Variants in DGKI observed in about 807,000 individuals in gnomAD.
DGKI encodes diacylglycerol kinase iota.
A neutral mutation model predicts 147.5 loss-of-function variants in DGKI; 55 were observed. The observed-to-expected ratio is 0.37, with a 90% CI of 0.30 to 0.47. DGKI has a LOEUF of 0.47. Among genes scored for constraint, DGKI ranks in the 20% least tolerant of loss-of-function variants. DGKI has a pLI of 1.00. For missense variants in DGKI, 1,007 were observed against 1,323.8 expected, an observed-to-expected ratio of 0.76 and a Z score of 3.71; for synonymous variants, 469 against 477.1, an observed-to-expected ratio of 0.98 and a Z score of 0.22.
intron 2 of DGKI, among the ~76,000 whole-genome samples, chr7:137,686,430 T>C (rs1823419185): frequency 6.6e-6 from 1 of 152,206 alleles, no homozygotes; most frequent in Admixed American, 6.5e-5. Context: ...GGAAAATGAC[T>C]GTGCACAGGC....
At chr7:137,680,601 G>A (rs1823201302) in intron 2 of DGKI, among the ~76,000 whole-genome samples, 1 of 152,102 alleles carries the variant, frequency 6.6e-6, no homozygotes, top group Non-Finnish European at 1.5e-5. Flanking sequence ...ACAACATGGT[G>A]AAACCCCATC....
At chr7:137,688,369 A>G (rs1477166216) in intron 2 of DGKI, among the ~76,000 whole-genome samples, 3 of 152,198 alleles carry the variant, frequency 2.0e-5, no homozygotes, top group African/African-American at 4.8e-5. Context: ...ACAGTTTACA[A>G]AAAAAACTTT....
chr7:137,635,621 C>T (rs994071621), intron 6 of DGKI, among the ~76,000 whole-genome samples: 28 of 152,144 alleles, frequency 1.8e-4, no homozygotes, highest in Non-Finnish European at 3.2e-4. Flanking sequence ...TGGACTATCA[C>T]GGCCTACACC....
Position 137,381,860 on chromosome 7 carries a change from T to A in DGKI, c.*9360A>T, listed in dbSNP as rs1811069058. ...GAGTTCTAAATCTCCTTCCCCAGGA[T>A]GGCAAGAATCCAAACTTTCCCAACT... On this transcript the variant is annotated 3_prime_UTR_variant, in exon 33 of 33. Transcript: ENST00000614521. The A allele has an allele frequency of 6.6e-6, 1 of 152,138 alleles. No homozygotes were observed. Among genetic ancestry groups the A allele is most frequent in the Admixed American group, 6.6e-5 (1 of 15,258 alleles). 9.4% of individuals were successfully genotyped at this position (152,138 alleles called of 1,614,324 possible).
At chr7:137,738,550 T>C (rs1266207353) in intron 1 of DGKI, among the ~76,000 whole-genome samples, 3 of 152,194 alleles carry the variant, frequency 2.0e-5, no homozygotes, top group Non-Finnish European at 4.4e-5. Flanking sequence ...CAAAAAGATG[T>C]GTTTATAAAC....
intron 28 of DGKI, among the ~76,000 whole-genome samples, chr7:137,426,231 T>C (rs1163232864): frequency 1.3e-5 from 2 of 151,892 alleles, no homozygotes; most frequent in East Asian, 3.9e-4. Flanking sequence ...CAGAAGAGAG[T>C]GGGGGCCGAT....
intron 27 of DGKI, among the ~76,000 whole-genome samples, chr7:137,458,956 A>G (rs1171502241): frequency 6.6e-6 from 1 of 152,254 alleles, no homozygotes; most frequent in South Asian, 2.1e-4. Context: ...CTTCTCACCA[A>G]TTCATTTCAA....
intron 3 of DGKI, among the ~76,000 whole-genome samples, chr7:137,664,683 G>C (rs1011574927): frequency 6.6e-6 from 1 of 152,186 alleles, no homozygotes; most frequent in African/African-American, 2.4e-5. Flanking sequence ...ACAGTTGCAG[G>C]AGTGGAGAGA....
intron 3 of DGKI, among the ~76,000 whole-genome samples, chr7:137,675,532 A>G (rs1295676013): frequency 6.6e-6 from 1 of 152,010 alleles, no homozygotes; most frequent in African/African-American, 2.4e-5. Flanking sequence ...TAAAAATACA[A>G]AAATCAGCTG....
intron 23 of DGKI, among the ~76,000 whole-genome samples, chr7:137,471,890 T>G (rs1814907158): frequency 6.8e-6 from 1 of 146,112 alleles, no homozygotes. Flanking sequence ...AAATATATGT[T>G]ACATATAGTC....
Position 137,386,231 on chromosome 7 carries a change from G to T in DGKI, c.*4989C>A, listed in dbSNP as rs913025099. ...GGGAGAGGAGGTTGTCCAAGGGCAT[G>T]ACTCTTTTCTTGGTTCTTATTTTCA... On this transcript the variant is annotated 3_prime_UTR_variant, in exon 33 of 33. Transcript: ENST00000614521. The T allele has an allele frequency of 6.6e-6, 1 of 152,106 alleles. No individual in the cohort carries two copies. The highest frequency in any genetic ancestry group is 2.4e-5 in the African/African-American group (1 of 41,422). 9.4% of individuals were successfully genotyped at this position (152,106 alleles called of 1,614,324 possible).
chr7:137,401,518 G>A (rs1811760839), intron 30 of DGKI, among the ~76,000 whole-genome samples: 1 of 146,150 alleles, frequency 6.8e-6, no homozygotes, highest in Admixed American at 6.7e-5. Context: ...GTGAGATTCT[G>A]TCTCAAAAAA....
In DGKI at chr7:137,467,499, T is replaced by C. The variant is rs556877447; in HGVS notation, c.2444-557A>G. On this transcript the variant is annotated intron_variant, in intron 24 of 32. Transcript: ENST00000614521. ...TGAAGTGACTTCCCACTTCGGAAAA[T>C]GGCTTGAAGATTCAGGCCAGAGACC... 9.2e-5 allele frequency among the ~76,000 whole-genome samples: 14 copies of C among 152,286 alleles called. No homozygotes were observed. In the South Asian group the frequency reaches 2.9e-3, roughly 32 times the overall value.
chr7:137,761,461 T>A (rs1795854081), intron 1 of DGKI, among the ~76,000 whole-genome samples: 1 of 152,228 alleles, frequency 6.6e-6, no homozygotes, highest in Non-Finnish European at 1.5e-5. Flanking sequence ...ACAACATTTG[T>A]AAAACAACCA....
intron 20 of DGKI, among the ~76,000 whole-genome samples, chr7:137,522,893 T>C (rs1817012407): frequency 6.6e-6 from 1 of 151,978 alleles, no homozygotes; most frequent in African/African-American, 2.4e-5. Flanking sequence ...TGGGATTTCA[T>C]TGGTTGAGAG....
At chr7:137,825,607 AAC>A (rs1209803399) in intron 1 of DGKI, among the ~76,000 whole-genome samples, 1 of 151,730 alleles carries the variant, frequency 6.6e-6, no homozygotes, top group Non-Finnish European at 1.5e-5. Context: ...TGCACCCCCC[AAC>A]ACACAGACAC....
At chr7:137,574,458 T>C (rs1373461301) in intron 17 of DGKI, among the ~76,000 whole-genome samples, 2 of 152,182 alleles carry the variant, frequency 1.3e-5, no homozygotes, top group Non-Finnish European at 2.9e-5. Context: ...TAATAGTGTA[T>C]AAAGCATTAT....
chr7:137,418,411 A>G (rs1559541), intron 28 of DGKI, among the ~76,000 whole-genome samples: 80,775 of 152,068 alleles, frequency 0.53, 22,628 homozygotes, highest in Non-Finnish European at 0.63. Context: ...ATTTTAGACT[A>G]AGGTAGAAGT....
intron 19 of DGKI, among the ~76,000 whole-genome samples, chr7:137,566,852 T>C: frequency 7.3e-6 from 1 of 136,094 alleles, no homozygotes; most frequent in East Asian, 2.0e-4. Flanking sequence ...TTACAGAGAT[T>C]TTGAATTTAA....
Sources: allele counts gnomAD v4.1 joint callset (sites outside exome capture counted in the v4.1 genomes callset), GRCh38; gene constraint gnomAD v4.1.1; transcripts MANE v1.5; gene names NCBI Gene and HGNC (gene_info 2026-07-23, HGNC 2026-07-21).